The following CASD1 variants were observed in gnomAD, a reference collection of about 807,000 sequenced individuals.
CASD1 encodes CAS1 domain sialic acid O acetyltransferase 1.
Under a neutral mutation model 100.0 loss-of-function variants are expected in CASD1, and 41 were observed. The observed-to-expected ratio is 0.41, with a 90% CI of 0.32 to 0.53. CASD1 has a LOEUF of 0.53. Ranked by LOEUF, CASD1 falls within the 20% of genes least tolerant of loss-of-function variation. The pLI, the probability that CASD1 is intolerant of heterozygous loss-of-function variation, is 0.25. For missense variants in CASD1, 774 were observed against 948.7 expected (o/e 0.82, Z 2.42); for synonymous variants, 321 against 315.6 (o/e 1.02, Z -0.18).
downstream of CASD1, among the ~76,000 whole-genome samples, chr7:94,557,328 T>G (rs1796242536): frequency 6.6e-6 from 1 of 152,128 alleles, no homozygotes. Flanking sequence ...TTCTTTCCTT[T>G]TCTCTCTTCT....
chr7:94,533,606 C>T (rs1794960713), intron 6 of CASD1, 73 bp from the exon 7 acceptor site: 6 of 1,093,626 alleles, frequency 5.5e-6, no homozygotes, highest in Non-Finnish European at 7.6e-6. Context: ...ACACTTGTTA[C>T]AGTAGGTAAA....
At chr7:94,525,075 ACTT>A (rs1215073047) in intron 3 of CASD1, among the ~76,000 whole-genome samples, 15 of 152,122 alleles carry the variant, frequency 9.9e-5, no homozygotes, top group African/African-American at 3.6e-4. Context: ...AAATGTTATG[ACTT>A]CTTTAATGAA....
chr7:94,552,869 G>A (rs929440191), intron 16 of CASD1, among the ~76,000 whole-genome samples: 5 of 152,228 alleles, frequency 3.3e-5, no homozygotes, highest in South Asian at 4.1e-4. Context: ...CCCAGAAGGC[G>A]GAGGTTGCAG....
the CASD1 span, among the ~76,000 whole-genome samples, chr7:94,575,926 T>G: frequency 6.6e-6 from 1 of 152,218 alleles, no homozygotes; most frequent in African/African-American, 2.4e-5. Flanking sequence ...TGTCTTTGTC[T>G]TTCAATAGTT....
At chr7:94,576,547 G>A in the CASD1 span, among the ~76,000 whole-genome samples, 2 of 152,202 alleles carry the variant, frequency 1.3e-5, no homozygotes, top group African/African-American at 4.8e-5. Context: ...TGAATGCCTG[G>A]TTTTGCTCTG....
At chr7:94,515,516 C>CA (rs1327207174) in intron 1 of CASD1, among the ~76,000 whole-genome samples, 5 of 150,616 alleles carry the variant, frequency 3.3e-5, no homozygotes, top group East Asian at 2.0e-4. Context: ...TGACTGGAGG[C>CA]AAAAAAAGTT....
downstream of CASD1, among the ~76,000 whole-genome samples, chr7:94,560,320 C>A (rs1485027439): frequency 6.6e-6 from 1 of 152,162 alleles, no homozygotes; most frequent in Non-Finnish European, 1.5e-5. Context: ...TCAGCACTTT[C>A]TTTCCTTGAC....
chr7:94,577,805 G>C, the CASD1 span, among the ~76,000 whole-genome samples: 1 of 152,116 alleles, frequency 6.6e-6, no homozygotes, highest in African/African-American at 2.4e-5. Context: ...TTTTTATACT[G>C]GGAGAGCTCT....
chr7:94,525,993 T>C (rs1161170415), intron 3 of CASD1, among the ~76,000 whole-genome samples: 2 of 152,206 alleles, frequency 1.3e-5, no homozygotes, highest in Non-Finnish European at 2.9e-5. Context: ...ATGTAGAACA[T>C]TTGGTTACAA....
At chr7:94,611,493 G>T in the CASD1 span, among the ~76,000 whole-genome samples, 1 of 151,836 alleles carries the variant, frequency 6.6e-6, no homozygotes, top group Non-Finnish European at 1.5e-5. Context: ...GTAGGGGTGG[G>T]GGTGGGGGTG....
At chr7:94,524,293 C>T (rs1461415226) in intron 3 of CASD1, 1 of 151,692 alleles carries the variant, frequency 6.6e-6, no homozygotes, top group African/African-American at 2.4e-5. Flanking sequence ...AAAAGATAAG[C>T]CACAAATTGA....
chr7:94,550,361 C>T (rs1289998393), intron 14 of CASD1, among the ~76,000 whole-genome samples: 4 of 151,832 alleles, frequency 2.6e-5, no homozygotes, highest in African/African-American at 9.7e-5. Context: ...TTCCAGTGTA[C>T]TACATTGCAT....
At chr7:94,622,265 G>T in the CASD1 span, 1 of 152,052 alleles carries the variant, frequency 6.6e-6, no homozygotes, top group East Asian at 1.9e-4. Context: ...AAAAATTCTG[G>T]ATCAGTTTCC....
chr7:94,549,649 T>C lies in CASD1; in HGVS notation c.1815+15T>C, dbSNP rs2116406112. On this transcript the variant is annotated intron_variant, in intron 14 of 17. Coordinates refer to ENST00000297273, the MANE Select transcript of CASD1 (RefSeq NM_022900.5). ...TAGACCGTTATGTATGTATTTACTT[T>C]GTGATATTTTGTCATTTCAAATTAT... 1 of 1,549,290 alleles carries C rather than the reference T, an allele frequency of 6.5e-7. No homozygotes were observed. The highest frequency in any genetic ancestry group is 1.2e-5 in the South Asian group (1 of 85,314).
Position 94,537,571 on chromosome 7 carries a change from C to T in CASD1, c.943C>T (p.Leu315=). 1 of 1,613,860 alleles carries T rather than the reference C, an allele frequency of 6.2e-7. No individual in the cohort carries two copies. Among genetic ancestry groups the T allele is most frequent in the Non-Finnish European group, 8.5e-7 (1 of 1,179,840 alleles). ...PRPPVTLIQK[L]AACFFTLSII... ...GCCTCCTGTTACTCTCATACAGAAGCTAGCTGCTTGTTTTTTCACTTTATC... is the reference window on the plus strand; with the variant it reads ...GCCTCCTGTTACTCTCATACAGAAGTTAGCTGCTTGTTTTTTCACTTTATC... The change falls in exon 9 of 18, where the codon CTA becomes TTA. Residue 315 remains leucine (L), a synonymous_variant. Transcript: ENST00000297273.
chr7:94,533,575 TGA>T (rs1158619291), intron 6 of CASD1, 102 bp from the exon 7 acceptor site: 24 of 842,480 alleles, frequency 2.8e-5, no homozygotes, highest in Non-Finnish European at 3.9e-5. Context: ...TTAAATAAAA[TGA>T]GAAATATCTA....
chr7:94,590,989 AAAT>A, the CASD1 span: 1 of 152,132 alleles, frequency 6.6e-6, no homozygotes, highest in Admixed American at 6.6e-5. Context: ...ATTACTAGGG[AAAT>A]AATAAACTCA....
chr7:94,526,649 C>T (rs1307695818), intron 3 of CASD1, among the ~76,000 whole-genome samples: 1 of 152,072 alleles, frequency 6.6e-6, no homozygotes, highest in Non-Finnish European at 1.5e-5. Context: ...AAAAATTAGC[C>T]AGGCATGGTG....
the CASD1 span, among the ~76,000 whole-genome samples, chr7:94,601,030 A>G: frequency 6.6e-6 from 1 of 152,172 alleles, no homozygotes; most frequent in Non-Finnish European, 1.5e-5. Flanking sequence ...GGAATGTAAC[A>G]AATGAAAGTA....
Sources: allele counts gnomAD v4.1 joint callset (sites outside exome capture counted in the v4.1 genomes callset), GRCh38; gene constraint gnomAD v4.1.1; transcripts MANE v1.5; gene names NCBI Gene and HGNC (gene_info 2026-07-23, HGNC 2026-07-21).